Variants in CRYBB2 observed in about 807,000 individuals in gnomAD.
The protein encoded by CRYBB2 is crystallin beta B2.
CRYBB2 carries 12 observed loss-of-function variants against 24.3 expected under a neutral mutation model. That is an observed-to-expected ratio of 0.49 (90% CI 0.32 to 0.80). The LOEUF is 0.80. Among genes scored for constraint, CRYBB2 ranks in the 30% least tolerant of loss-of-function variants. CRYBB2 has a pLI of 0.04. For synonymous variants in CRYBB2, 98 were observed against 101.6 expected, an observed-to-expected ratio of 0.96 and a Z score of 0.21; for missense variants, 198 against 268.5, an observed-to-expected ratio of 0.74 and a Z score of 1.83.
At chr22:25,223,327 T>C (rs1290260599) in intron 2 of CRYBB2, among the ~76,000 whole-genome samples, 2 of 152,320 alleles carry the variant, frequency 1.3e-5, no homozygotes, top group Non-Finnish European at 2.9e-5. Context: ...AGCATGTCTT[T>C]TAATTAACAT....
At chr22:25,225,757 C>A (rs560894908) in intron 3 of CRYBB2, among the ~76,000 whole-genome samples, 1 of 152,174 alleles carries the variant, frequency 6.6e-6, no homozygotes, top group Non-Finnish European at 1.5e-5. Flanking sequence ...CTATACCACA[C>A]CTCAAGGTTC....
chr22:25,223,099 T>G (rs368313132), intron 2 of CRYBB2, among the ~76,000 whole-genome samples: 23 of 152,194 alleles, frequency 1.5e-4, no homozygotes, highest in African/African-American at 5.5e-4. Context: ...TCCTCTGAGC[T>G]TCTGGGCTTT....
At chr22:25,223,222 A>G (rs2146088685) in intron 2 of CRYBB2, among the ~76,000 whole-genome samples, 1 of 152,324 alleles carries the variant, frequency 6.6e-6, no homozygotes, top group East Asian at 1.9e-4. Flanking sequence ...TTGTGTGCAC[A>G]GGTTAGAGTC....
At chr22:25,215,049 A>G (rs1000708702), upstream of CRYBB2, among the ~76,000 whole-genome samples, 2 of 152,264 alleles carry the variant, frequency 1.3e-5, no homozygotes, top group Admixed American at 1.3e-4. Context: ...GCCAAAACCC[A>G]TGATTACTTT....
In CRYBB2 at chr22:25,229,477, C is replaced by T. The variant is rs1454121464; in HGVS notation, c.348C>T (p.Asn116=). The change falls in exon 5 of 6, where the codon AAC becomes AAT. Residue 116 remains asparagine (N), a synonymous_variant. Coordinates refer to ENST00000398215, the MANE Select transcript of CRYBB2 (RefSeq NM_000496.3). ...EHKIILYENP[N]FTGKKMEIID... is the part of the protein sequence containing the mutation. ...AGATCATCCTCTATGAAAACCCCAACTTCACCGGGAAGAAGATGGAAATCA... is the reference window on the plus strand; with the variant it reads ...AGATCATCCTCTATGAAAACCCCAATTTCACCGGGAAGAAGATGGAAATCA... The T allele has an allele frequency of 1.2e-6, 2 of 1,613,456 alleles. No homozygotes were observed. The highest frequency in any genetic ancestry group is 2.2e-5 in the South Asian group (2 of 90,956).
rs958872912 is a variant in CRYBB2, at chr22:25,222,950, T to C, written c.54+1467T>C. Among the ~76,000 whole-genome samples, 5 of 152,304 alleles carry C rather than the reference T, an allele frequency of 3.3e-5. No individual in the cohort carries two copies. The East Asian group carries it at 7.7e-4, about 23-fold the overall frequency. On this transcript the variant is annotated intron_variant, in intron 2 of 5. Coordinates refer to ENST00000398215, the MANE Select transcript of CRYBB2 (RefSeq NM_000496.3). ...TTATAGCACAGTATAAGTAATAATA[T>C]GGACTAATTACATGTGCTCAGTAGC... is the stretch of plus-strand genomic sequence containing the variant.
At chr22:25,218,730 GAGAGGGGAGA>G (rs1261076726), upstream of CRYBB2, among the ~76,000 whole-genome samples, 1 of 96,082 alleles carries the variant, frequency 1.0e-5, no homozygotes, top group African/African-American at 4.7e-5. Context: ...GAGAGAGAGA[GAGAGGGGAGA>G]GAGAGAGAGA....
intron 5 of CRYBB2, among the ~76,000 whole-genome samples, chr22:25,231,366 A>G (rs1210177832): frequency 6.6e-6 from 1 of 151,594 alleles, no homozygotes; most frequent in Non-Finnish European, 1.5e-5. Flanking sequence ...CCTTCAGTCA[A>G]AATTTGCTTC....
chr22:25,218,224 A>G (rs1365691441), upstream of CRYBB2, among the ~76,000 whole-genome samples: 3 of 150,690 alleles, frequency 2.0e-5, no homozygotes, highest in Admixed American at 6.6e-5. Flanking sequence ...GTGCCACTGC[A>G]CTCCAGCCTG....
Position 25,227,953 on chromosome 22 carries a change from G to A in CRYBB2, c.274G>A (p.Asp92Asn), listed in dbSNP as rs1238668596. 6.2e-7 allele frequency: 1 copy of A among 1,614,016 alleles called. No individual in the cohort carries two copies. The highest frequency in any genetic ancestry group is 8.5e-7 in the Non-Finnish European group (1 of 1,180,028). ...CTCATGGACCAGCAGCCGAAGGACG[G>A]ACTCCCTCAGCTCCCTGAGGCCCAT... ...WDSWTSSRRT[D>N]SLSSLRPIKV... is the part of the protein sequence containing the mutation. The change falls in exon 4 of 6, where the codon GAC becomes AAC. Residue 92 changes from aspartate to asparagine, a missense_variant. Coordinates refer to ENST00000398215, the MANE Select transcript of CRYBB2 (RefSeq NM_000496.3).
At chr22:25,222,987 A>G (rs1935346766) in intron 2 of CRYBB2, among the ~76,000 whole-genome samples, 1 of 152,194 alleles carries the variant, frequency 6.6e-6, no homozygotes, top group Non-Finnish European at 1.5e-5. Flanking sequence ...ATATGTTACT[A>G]ATGGCTGCTG....
At chr22:25,216,640 T>G (rs1393220275), upstream of CRYBB2, among the ~76,000 whole-genome samples, 1 of 152,186 alleles carries the variant, frequency 6.6e-6, no homozygotes, top group South Asian at 2.1e-4. Flanking sequence ...GGTAAAATAC[T>G]GCATAGCATA....
Position 25,231,588 on chromosome 22 carries a change from A to C in CRYBB2, c.450-16A>C, listed in dbSNP as rs137852880. Reference sequence around the variant, plus strand: ...TGTCCCCCTCGTTCACCCTCCCATCACCTCTGGCCCTGCAGGTGGGTTGGC... The same window carrying C: ...TGTCCCCCTCGTTCACCCTCCCATCCCCTCTGGCCCTGCAGGTGGGTTGGC... On this transcript the variant is annotated splice_polypyrimidine_tract_variant and intron_variant, in intron 5 of 5. Transcript: ENST00000398215. 254 of 1,612,840 alleles carry C rather than the reference A, an allele frequency of 1.6e-4. No individual in the cohort carries two copies. The highest frequency in any genetic ancestry group is 1.0e-3 in the East Asian group (45 of 44,836).
chr22:25,219,350 C>T (rs1327066777), upstream of CRYBB2, among the ~76,000 whole-genome samples: 1 of 150,990 alleles, frequency 6.6e-6, no homozygotes, highest in Non-Finnish European at 1.5e-5. Context: ...CCTGACTGAC[C>T]GTACCAGTGA....
At chr22:25,228,607 G>A (rs1935464885) in intron 4 of CRYBB2, among the ~76,000 whole-genome samples, 1 of 152,164 alleles carries the variant, frequency 6.6e-6, no homozygotes, top group African/African-American at 2.4e-5. Context: ...CTCCTCCCAG[G>A]ACCTACTGGA....
At chr22:25,228,747 G>A (rs1935468621) in intron 4 of CRYBB2, among the ~76,000 whole-genome samples, 1 of 152,240 alleles carries the variant, frequency 6.6e-6, no homozygotes, top group Non-Finnish European at 1.5e-5. Context: ...CTGCTAAATG[G>A]CATAAGAGGA....
intron 4 of CRYBB2, among the ~76,000 whole-genome samples, chr22:25,228,997 C>T (rs9612896): frequency 0.017 from 2,532 of 145,858 alleles, 59 homozygotes; most frequent in African/African-American, 0.061. Flanking sequence ...TGTGGGTGTG[C>T]GTGTGTGTGC....
chr22:25,226,373 GC>G (rs1296859974), intron 3 of CRYBB2, among the ~76,000 whole-genome samples: 6 of 152,152 alleles, frequency 3.9e-5, no homozygotes, highest in Non-Finnish European at 8.8e-5. Context: ...GAAGGGAGAT[GC>G]TTTAAAATGG....
At position 25,224,944 on chromosome 22, in the gene CRYBB2, T is replaced by C. The variant is rs1058055; in HGVS notation, c.81T>C (p.Phe27=). The change falls in exon 3 of 6, where the codon TTT becomes TTC. Residue 27 remains phenylalanine (F), a synonymous_variant. Coordinates refer to ENST00000398215, the MANE Select transcript of CRYBB2 (RefSeq NM_000496.3). ...TCATCATCTTTGAGCAGGAAAACTT[T>C]CAAGGCCACTCGCATGAGCTCAATG... is the stretch of plus-strand genomic sequence containing the variant. ...PKIIIFEQEN[F]QGHSHELNGP... is the part of the protein sequence containing the mutation. The C allele has an allele frequency of 2.5e-6, 4 of 1,609,374 alleles. No homozygotes were observed. Among genetic ancestry groups the C allele is most frequent in the African/African-American group, 2.7e-5 (2 of 74,942 alleles).
Sources: gnomAD v4.1 joint callset for allele counts (sites outside exome capture counted in the v4.1 genomes callset) on GRCh38, gnomAD v4.1.1 for gene constraint, MANE v1.5 for transcripts, NCBI Gene and HGNC (gene_info 2026-07-23, HGNC 2026-07-21) for gene names.